The following BPNT1 variants were observed in gnomAD, a reference collection of about 807,000 sequenced individuals.
BPNT1 encodes 3'(2'),5'-bisphosphate nucleotidase 1.
BPNT1 carries 28 observed loss-of-function variants against 36.9 expected under a neutral mutation model. The ratio of observed to expected loss-of-function variants is 0.76; its 90% CI spans 0.56 to 1.04. BPNT1 has a LOEUF of 1.04. Ranked by LOEUF, BPNT1 falls within the 50% of genes least tolerant of loss-of-function variation. BPNT1 has a pLI of 0.00. For missense variants in BPNT1, 313 were observed against 372.9 expected (o/e 0.84, Z 1.32); for synonymous variants, 119 against 130.9 (o/e 0.91, Z 0.62).
chr1:220,083,973 C>G (rs185185381), intron 1 of BPNT1, among the ~76,000 whole-genome samples: 39 of 152,134 alleles, frequency 2.6e-4, no homozygotes, highest in Middle Eastern at 3.4e-3. Flanking sequence ...TCTTGGCATA[C>G]TAGGAGTTAC....
intron 6 of BPNT1, chr1:220,066,135 A>T: frequency 6.8e-7 from 1 of 1,480,344 alleles, no homozygotes. Flanking sequence ...AAATGAATAC[A>T]ATTTTTCTAA....
intron 4 of BPNT1, among the ~76,000 whole-genome samples, chr1:220,070,326 A>G (rs140929358): frequency 6.6e-6 from 1 of 152,200 alleles, no homozygotes; most frequent in African/African-American, 2.4e-5. Context: ...CTGATGGAGA[A>G]CACCATGTCT....
At chr1:220,086,817 G>T (rs750389627) in intron 1 of BPNT1, among the ~76,000 whole-genome samples, 1 of 151,284 alleles carries the variant, frequency 6.6e-6, no homozygotes, top group Admixed American at 6.6e-5. Flanking sequence ...CTTGTGATCC[G>T]CCTGCCTCCC....
chr1:220,083,712 G>A (rs952059279), intron 1 of BPNT1, among the ~76,000 whole-genome samples: 2 of 152,036 alleles, frequency 1.3e-5, no homozygotes, highest in Non-Finnish European at 2.9e-5. Flanking sequence ...GGATAGAAAA[G>A]GTATGTAAAA....
At chr1:220,082,401 G>C in intron 1 of BPNT1, among the ~76,000 whole-genome samples, 1 of 151,124 alleles carries the variant, frequency 6.6e-6, no homozygotes, top group South Asian at 2.1e-4. Context: ...GGCTGGTTTC[G>C]AATTCCTGAC....
chr1:220,062,964 C>A lies in BPNT1; in HGVS notation c.475-10G>T. On this transcript the variant is annotated splice_polypyrimidine_tract_variant and intron_variant, in intron 6 of 8. Transcript: ENST00000322067. Reference sequence around the variant, plus strand: ...CAGCATCTGGTCCTGCCTGTGTAAACGAGTGAAACAACAAGACTTGTGGTT... The same window carrying A: ...CAGCATCTGGTCCTGCCTGTGTAAAAGAGTGAAACAACAAGACTTGTGGTT... 1 of 1,613,696 alleles carries A rather than the reference C, an allele frequency of 6.2e-7. No homozygotes were observed. The highest frequency in any genetic ancestry group is 1.3e-5 in the African/African-American group (1 of 74,994).
intron 1 of BPNT1, among the ~76,000 whole-genome samples, chr1:220,082,105 G>T (rs1277616992): frequency 2.8e-5 from 4 of 144,542 alleles, no homozygotes; most frequent in African/African-American, 7.6e-5. Flanking sequence ...GAGAGAGAGA[G>T]AGAGAGAGAG....
intron 1 of BPNT1, among the ~76,000 whole-genome samples, chr1:220,082,917 G>T (rs986583648): frequency 5.9e-5 from 9 of 152,118 alleles, no homozygotes; most frequent in Non-Finnish European, 1.2e-4. Flanking sequence ...TAAGTGAAGT[G>T]TTTGAAACTC....
intron 1 of BPNT1, among the ~76,000 whole-genome samples, chr1:220,087,998 C>G (rs1203391782): frequency 6.6e-6 from 1 of 152,032 alleles, no homozygotes; most frequent in East Asian, 1.9e-4. Flanking sequence ...CTGCCTCAGC[C>G]TCCCGAGTAG....
intron 2 of BPNT1, among the ~76,000 whole-genome samples, chr1:220,075,681 A>T (rs993221018): frequency 1.3e-5 from 2 of 152,242 alleles, no homozygotes; most frequent in African/African-American, 4.8e-5. Flanking sequence ...TTTCCTCGCT[A>T]AGATAAATAT....
At chr1:220,078,485 T>A (rs929667265) in intron 2 of BPNT1, among the ~76,000 whole-genome samples, 1 of 141,866 alleles carries the variant, frequency 7.0e-6, no homozygotes, top group Non-Finnish European at 1.5e-5. Flanking sequence ...TAATAAATAA[T>A]AATTTATAAT....
intron 1 of BPNT1, among the ~76,000 whole-genome samples, chr1:220,089,217 C>T (rs1434748183): frequency 6.6e-6 from 1 of 151,034 alleles, no homozygotes; most frequent in African/African-American, 2.4e-5. Flanking sequence ...TGTGAGGGAA[C>T]ATGTTCCTGA....
Position 220,069,390 on chromosome 1 carries a change from T to A in BPNT1, c.376A>T (p.Thr126Ser). Residue 126 changes from threonine (T) to serine (S), a missense_variant, in exon 5 of 9, where the codon ACC becomes TCC. By Grantham distance (58) the Thr-to-Ser change is moderately conservative (BLOSUM62 1). Coordinates refer to ENST00000322067, the MANE Select transcript of BPNT1 (RefSeq NM_006085.6). Reference protein sequence around the residue: ...VDPLDGTKEYTEGLLDNVTVL... With the variant: ...VDPLDGTKEYSEGLLDNVTVL... ...ATACAAAAGAGATATCAACCTTCGG[T>A]ATATTCCTTGGTTCCATCCAGAGGA... 1 of 1,602,536 alleles carries A rather than the reference T, an allele frequency of 6.2e-7. No homozygotes were observed. The highest frequency in any genetic ancestry group is 1.3e-5 in the African/African-American group (1 of 74,654).
intron 1 of BPNT1, among the ~76,000 whole-genome samples, chr1:220,086,298 TCTCGCTCTGTCGCCCAGG>T (rs1655713922): frequency 6.6e-6 from 1 of 152,134 alleles, no homozygotes; most frequent in Admixed American, 6.6e-5. Context: ...TGATATGTAG[TCTCGCTCTGTCGCCCAGG>T]CTAAAGTGCG....
At chr1:220,066,264 ATTAAC>A (rs1405941597) in intron 6 of BPNT1, 1 of 490,098 alleles carries the variant, frequency 2.0e-6, no homozygotes, top group African/African-American at 1.9e-5. Flanking sequence ...AAGTAATAGT[ATTAAC>A]TTAAAGTTTA....
Position 220,058,182 on chromosome 1 carries a change from A to T in BPNT1, c.*662T>A. 2 of 998,206 alleles carry T rather than the reference A, an allele frequency of 2.0e-6. No individual in the cohort carries two copies. Among genetic ancestry groups the T allele is most frequent in the Non-Finnish European group, 2.4e-6 (2 of 836,112 alleles). 61.8% of individuals were successfully genotyped at this position (998,206 alleles called of 1,614,324 possible). On this transcript the variant is annotated 3_prime_UTR_variant, in exon 9 of 9. Transcript: ENST00000322067. Reference sequence around the variant, plus strand: ...CAGAGCGAGACTCCGTCTCAGGAAAAAAAAAGAGAAATCTGGTTTAGAAGA... The same window carrying T: ...CAGAGCGAGACTCCGTCTCAGGAAATAAAAAGAGAAATCTGGTTTAGAAGA...
At chr1:220,082,370 G>A (rs1655261467) in intron 1 of BPNT1, among the ~76,000 whole-genome samples, 1 of 151,192 alleles carries the variant, frequency 6.6e-6, no homozygotes, top group Admixed American at 6.6e-5. Flanking sequence ...TAGTAGAGAC[G>A]GGGTTTCACC....
intron 8 of BPNT1, among the ~76,000 whole-genome samples, chr1:220,059,208 CT>C (rs1157212542): frequency 1.5e-5 from 2 of 137,490 alleles, no homozygotes; most frequent in Non-Finnish European, 1.6e-5. Context: ...TATTTTTTCT[CT>C]GATTAATATT....
intron 1 of BPNT1, among the ~76,000 whole-genome samples, chr1:220,081,028 C>CATCTT (rs1294624479): frequency 2.0e-5 from 3 of 152,180 alleles, no homozygotes; most frequent in Non-Finnish European, 4.4e-5. Flanking sequence ...GCAGTGGCGC[C>CATCTT]ATCTTGGCTC....
Sources: allele counts gnomAD v4.1 joint callset (sites outside exome capture counted in the v4.1 genomes callset), GRCh38; gene constraint gnomAD v4.1.1; transcripts MANE v1.5; gene names NCBI Gene and HGNC (gene_info 2026-07-23, HGNC 2026-07-21).